The following KCNH1 variants were observed in gnomAD, a reference collection of about 807,000 sequenced individuals.
KCNH1 encodes potassium voltage-gated channel subfamily H member 1.
KCNH1 carries 27 observed loss-of-function variants against 69.2 expected under a neutral mutation model. The observed-to-expected ratio is 0.39, with a 90% CI of 0.29 to 0.54. KCNH1 has a LOEUF of 0.54. Ranked by LOEUF, KCNH1 falls within the 20% of genes least tolerant of loss-of-function variation. The pLI, the probability that KCNH1 is intolerant of heterozygous loss-of-function variation, is 0.68. For synonymous variants in KCNH1, 456 were observed against 487.7 expected (o/e 0.93, Z 0.86); for missense variants, 798 against 1,261.6 (o/e 0.63, Z 5.57).
chr1:210,972,082 A>T (rs1394077357), intron 6 of KCNH1, among the ~76,000 whole-genome samples: 1 of 152,140 alleles, frequency 6.6e-6, no homozygotes, highest in African/African-American at 2.4e-5. Context: ...TATTTATGCT[A>T]CATTGGTGAA....
chr1:210,980,898 A>G (rs569881641), intron 6 of KCNH1, among the ~76,000 whole-genome samples: 33 of 152,262 alleles, frequency 2.2e-4, no homozygotes, highest in African/African-American at 7.5e-4. Flanking sequence ...CATTTTACAT[A>G]TAATGATACT....
intron 3 of KCNH1, among the ~76,000 whole-genome samples, chr1:211,099,086 C>T (rs1156334223): frequency 6.6e-6 from 1 of 152,098 alleles, no homozygotes; most frequent in Non-Finnish European, 1.5e-5. Context: ...TCATAAATAT[C>T]TAATAATAGA....
At chr1:210,925,808 G>A (rs1687559649) in intron 6 of KCNH1, among the ~76,000 whole-genome samples, 2 of 152,126 alleles carry the variant, frequency 1.3e-5, no homozygotes, top group Admixed American at 1.3e-4. Flanking sequence ...GGTAACCAAA[G>A]GTCATAATCT....
At chr1:211,040,709 T>C (rs1689980857) in intron 5 of KCNH1, among the ~76,000 whole-genome samples, 1 of 152,222 alleles carries the variant, frequency 6.6e-6, no homozygotes, top group African/African-American at 2.4e-5. Flanking sequence ...ATCATAATAT[T>C]TTATTCTAAG....
chr1:211,080,676 C>A (rs1292497657), intron 5 of KCNH1, among the ~76,000 whole-genome samples: 1 of 152,140 alleles, frequency 6.6e-6, no homozygotes, highest in Non-Finnish European at 1.5e-5. Context: ...CATCTACAAC[C>A]ATCTGATCTT....
In KCNH1 at chr1:211,133,632, A is replaced by T. The variant is rs533433984; in HGVS notation, c.79+235T>A. Among the ~76,000 whole-genome samples the T allele has an allele frequency of 7.9e-5, 12 of 152,218 alleles. No homozygotes were observed. Among genetic ancestry groups the T allele is most frequent in the African/African-American group, 2.9e-4 (12 of 41,544 alleles). ...AGATAAGACCGAGAGGGCGCTAGAAAGGCCCAAAAGGCGTCCCCAGAAGAG... is the reference window on the plus strand; with the variant it reads ...AGATAAGACCGAGAGGGCGCTAGAATGGCCCAAAAGGCGTCCCCAGAAGAG... On this transcript the variant is annotated intron_variant, in intron 1 of 10. Coordinates refer to ENST00000271751, the MANE Select transcript of KCNH1 (RefSeq NM_172362.3). This position sits in a 1 kb window ranked among gnomAD's most constrained non-coding sequence, Gnocchi z 5.4.
At chr1:210,910,247 A>G (rs1687201464) in intron 7 of KCNH1, among the ~76,000 whole-genome samples, 1 of 143,844 alleles carries the variant, frequency 7.0e-6, no homozygotes, top group African/African-American at 2.6e-5. Context: ...TTTGATGCAT[A>G]GTAAACAGTC....
intron 6 of KCNH1, among the ~76,000 whole-genome samples, chr1:210,951,012 G>A (rs1688053958): frequency 6.6e-6 from 1 of 152,198 alleles, no homozygotes; most frequent in African/African-American, 2.4e-5. Flanking sequence ...TGTGTAAAGT[G>A]CTATAAAGGA....
At chr1:210,698,010 A>G (rs1200523531) in intron 10 of KCNH1, among the ~76,000 whole-genome samples, 1 of 152,194 alleles carries the variant, frequency 6.6e-6, no homozygotes, top group Non-Finnish European at 1.5e-5. Context: ...CAGTTTGTGG[A>G]TTGCTTTTCT....
chr1:211,096,577 C>A (rs1439591587), intron 3 of KCNH1, among the ~76,000 whole-genome samples: 1 of 152,168 alleles, frequency 6.6e-6, no homozygotes, highest in African/African-American at 2.4e-5. Flanking sequence ...CAACACTTAA[C>A]CCTCAACATA....
chr1:210,899,339 A>G (rs1029045382), intron 7 of KCNH1, among the ~76,000 whole-genome samples: 2 of 152,176 alleles, frequency 1.3e-5, no homozygotes, highest in Non-Finnish European at 2.9e-5. Context: ...AGTCTAAAAG[A>G]ACAGCACTCT....
At chr1:211,078,255 T>C (rs1003822537) in intron 5 of KCNH1, among the ~76,000 whole-genome samples, 2 of 152,216 alleles carry the variant, frequency 1.3e-5, no homozygotes. Context: ...AACTCAGCTC[T>C]GCACCAAGCA....
chr1:210,898,675 TGGC>T lies in KCNH1; in HGVS notation c.1462+20962_1462+20964del, dbSNP rs367766292. ...CAAGACCCCTTGGAGGGGGCAGGCG[TGGC>T]GGCGGGGGGGGGTCCTGTCAACCAC... On this transcript the variant is annotated intron_variant, in intron 7 of 10. Coordinates refer to ENST00000271751, the MANE Select transcript of KCNH1 (RefSeq NM_172362.3). Among the ~76,000 whole-genome samples the T allele has an allele frequency of 9.5e-5, 13 of 136,314 alleles. 1 individual carries two copies. The highest frequency in any genetic ancestry group is 2.4e-4 in the African/African-American group (9 of 37,496). 89.4% of individuals were successfully genotyped at this position (136,314 alleles called of 152,430 possible).
chr1:210,822,099 A>C (rs905894707), intron 7 of KCNH1, among the ~76,000 whole-genome samples: 1 of 152,108 alleles, frequency 6.6e-6, no homozygotes, highest in Non-Finnish European at 1.5e-5. Flanking sequence ...ACCTCATCCC[A>C]GATGAATAGA....
chr1:210,716,733 C>T lies in KCNH1; in HGVS notation c.2113-32595G>A, dbSNP rs527393049. Among the ~76,000 whole-genome samples, 172 of 152,308 alleles carry T rather than the reference C, an allele frequency of 1.1e-3. 1 individual carries two copies. Among genetic ancestry groups the T allele is most frequent in the African/African-American group, 3.9e-3 (162 of 41,566 alleles). ...AATTGTCTCTGATTACATGCCCTGT[C>T]TCTCCAACCAGGCTTCTCGAGGAGG... On this transcript the variant is annotated intron_variant, in intron 10 of 10. Transcript: ENST00000271751.
At chr1:210,913,949 GC>G in intron 7 of KCNH1, among the ~76,000 whole-genome samples, 1 of 152,200 alleles carries the variant, frequency 6.6e-6, no homozygotes, top group Non-Finnish European at 1.5e-5. Context: ...AGTATGACCA[GC>G]TTTCCCCTTC....
intron 6 of KCNH1, among the ~76,000 whole-genome samples, chr1:210,969,829 ATCTT>A: frequency 6.6e-6 from 1 of 152,032 alleles, no homozygotes; most frequent in East Asian, 1.9e-4. Context: ...TTATTTTTAA[ATCTT>A]TCTTCTTTGA....
intron 10 of KCNH1, among the ~76,000 whole-genome samples, chr1:210,700,920 T>A (rs1681757095): frequency 6.6e-6 from 1 of 151,964 alleles, no homozygotes; most frequent in Admixed American, 6.6e-5. Flanking sequence ...TTTGTACTTT[T>A]TAGTTTCTTT....
At chr1:210,819,271 G>A (rs1364362472) in intron 7 of KCNH1, among the ~76,000 whole-genome samples, 6 of 152,096 alleles carry the variant, frequency 3.9e-5, no homozygotes, top group Non-Finnish European at 8.8e-5. Context: ...AGGAAAATAT[G>A]ACATTCTTTA....
Sources: gnomAD v4.1 joint callset for allele counts (sites outside exome capture counted in the v4.1 genomes callset) on GRCh38, gnomAD v4.1.1 for gene constraint, Gnocchi (gnomAD v3.1) non-coding constraint, MANE v1.5 for transcripts, NCBI Gene and HGNC (gene_info 2026-07-23, HGNC 2026-07-21) for gene names.